The following CPB1 variants were observed in gnomAD, a reference collection of about 807,000 sequenced individuals.
CPB1 encodes the protein carboxypeptidase B.
A neutral mutation model predicts 51.4 loss-of-function variants in CPB1; 53 were observed. The ratio of observed to expected loss-of-function variants is 1.03; its 90% CI spans 0.83 to 1.30. The LOEUF is 1.30. Among genes scored for constraint, CPB1 ranks in the 50% most tolerant of loss-of-function variants. The pLI, the probability that CPB1 is intolerant of heterozygous loss-of-function variation, is 0.00. For synonymous variants in CPB1, 189 were observed against 186.9 expected (o/e 1.01, Z -0.09); for missense variants, 494 against 516.2 (o/e 0.96, Z 0.42).
intron 9 of CPB1, among the ~76,000 whole-genome samples, chr3:148,853,261 T>C (rs1713482535): frequency 6.6e-6 from 1 of 152,184 alleles, no homozygotes; most frequent in African/African-American, 2.4e-5. Context: ...ACTGGAAGAT[T>C]AGAAGAGGCA....
At chr3:148,834,459 T>C (rs757006957) in intron 2 of CPB1, 39 bp from the exon 3 acceptor site, 1 of 1,590,096 alleles carries the variant, frequency 6.3e-7, no homozygotes, top group African/African-American at 1.3e-5. Context: ...CTTCATCCAT[T>C]GAATTATAGG....
At chr3:148,859,163 C>T (rs898781541) in intron 10 of CPB1, among the ~76,000 whole-genome samples, 2 of 152,158 alleles carry the variant, frequency 1.3e-5, no homozygotes, top group Non-Finnish European at 2.9e-5. Context: ...CAACATCTCT[C>T]CTTTGTTCTG....
chr3:148,851,212 T>C (rs1713417666), intron 9 of CPB1: 1 of 151,938 alleles, frequency 6.6e-6, no homozygotes, highest in Admixed American at 6.6e-5. Context: ...CACACGCCTG[T>C]AGTCCCAGCT....
At chr3:148,858,210 A>G (rs1713642224) in intron 10 of CPB1, among the ~76,000 whole-genome samples, 1 of 152,188 alleles carries the variant, frequency 6.6e-6, no homozygotes, top group Admixed American at 6.5e-5. Context: ...ACAGTATCAG[A>G]ATTAACTTCC....
chr3:148,837,480 GAA>G (rs35691600), intron 3 of CPB1, among the ~76,000 whole-genome samples: 13 of 95,644 alleles, frequency 1.4e-4, no homozygotes, highest in East Asian at 5.8e-4. Context: ...TTGTGTGTTA[GAA>G]AAAAAAAAAA....
chr3:148,836,990 A>C (rs910461790), intron 3 of CPB1, among the ~76,000 whole-genome samples: 1 of 152,214 alleles, frequency 6.6e-6, no homozygotes, highest in Non-Finnish European at 1.5e-5. Context: ...AGCTTTAATC[A>C]GATCCTGAAT....
chr3:148,850,341 A>C (rs1478704912), intron 9 of CPB1, among the ~76,000 whole-genome samples: 1 of 151,914 alleles, frequency 6.6e-6, no homozygotes, highest in East Asian at 1.9e-4. Flanking sequence ...TCGCTCTATC[A>C]CCCAGGCTGG....
chr3:148,857,212 G>C (rs1713606532), intron 9 of CPB1: 1 of 330,874 alleles, frequency 3.0e-6, no homozygotes, highest in East Asian at 5.6e-5. Flanking sequence ...ACTCTTACAA[G>C]ACAAGATAAA....
Position 148,859,960 on chromosome 3 carries a change from A to T in CPB1, c.1212A>T (p.Ala404=). The part of the protein sequence containing the change: ...IRATCEETFL[A]IKYVASYVLE... Reference sequence around the variant, plus strand: ...CTACCTGCGAGGAGACCTTCCTGGCAATCAAGTATGTTGCCAGCTACGTCC... The same window carrying T: ...CTACCTGCGAGGAGACCTTCCTGGCTATCAAGTATGTTGCCAGCTACGTCC... Residue 404 remains alanine (A), a synonymous_variant, in exon 11 of 11, where the codon GCA becomes GCT. Coordinates refer to ENST00000282957, the MANE Select transcript of CPB1 (RefSeq NM_001871.3). 1.2e-6 allele frequency: 2 copies of T among 1,614,156 alleles called. No individual in the cohort carries two copies. Among genetic ancestry groups the T allele is most frequent in the Non-Finnish European group, 1.7e-6 (2 of 1,179,990 alleles).
At chr3:148,841,975 C>T (rs1204090041) in intron 6 of CPB1, 51 bp downstream of exon 6, 1 of 1,266,610 alleles carries the variant, frequency 7.9e-7, no homozygotes, top group South Asian at 1.2e-5. Flanking sequence ...TTTTAATTTT[C>T]AATTAATTCC....
intron 10 of CPB1, among the ~76,000 whole-genome samples, chr3:148,858,339 G>A (rs958082348): frequency 1.3e-5 from 2 of 152,072 alleles, no homozygotes; most frequent in Non-Finnish European, 2.9e-5. Flanking sequence ...TTGGGAGGCC[G>A]AGGCAGGCAG....
At chr3:148,833,635 T>C (rs1712803978) in intron 2 of CPB1, among the ~76,000 whole-genome samples, 1 of 151,898 alleles carries the variant, frequency 6.6e-6, no homozygotes, top group Non-Finnish European at 1.5e-5. Context: ...AGGCTTCCAC[T>C]CGGCACAAGC....
chr3:148,835,838 T>C lies in CPB1; in HGVS notation c.272+1216T>C, dbSNP rs1005824506. Among the ~76,000 whole-genome samples the C allele has an allele frequency of 2.0e-5, 3 of 152,210 alleles. No individual in the cohort carries two copies. The East Asian group carries it at 5.8e-4, about 29-fold the overall frequency. ...TAAAAATGTAAAAGAATAGTATCTG[T>C]GCCAGTGAAGATGTCAGAATTGTCA... On this transcript the variant is annotated intron_variant, in intron 3 of 10. Transcript: ENST00000282957.
chr3:148,834,864 A>C (rs1054732792), intron 3 of CPB1, among the ~76,000 whole-genome samples: 3 of 152,180 alleles, frequency 2.0e-5, no homozygotes, highest in Non-Finnish European at 2.9e-5. Context: ...GTCTTCTGCC[A>C]GATATCTGAC....
At chr3:148,854,386 A>G (rs1036409976) in intron 9 of CPB1, 12 of 152,108 alleles carry the variant, frequency 7.9e-5, no homozygotes, top group African/African-American at 2.9e-4. Context: ...TTAAAATATG[A>G]TATTTTACTT....
At position 148,827,905 on chromosome 3, in the gene CPB1, C is replaced by T; in HGVS notation, c.71+11C>T. ...TGAGCACTTTGAAGGGTAAGTAAGC[C>T]ATCTTTAAGGAGCAAGTCCTTCTTC... On this transcript the variant is annotated intron_variant, in intron 1 of 10. Coordinates refer to ENST00000282957, the MANE Select transcript of CPB1 (RefSeq NM_001871.3). 6.2e-7 allele frequency: 1 copy of T among 1,613,976 alleles called. No homozygotes were observed. Among genetic ancestry groups the T allele is most frequent in the South Asian group, 1.1e-5 (1 of 91,082 alleles).
intron 6 of CPB1, 133 bp downstream of exon 6, chr3:148,842,057 T>G (rs1713101645): frequency 1.5e-6 from 1 of 678,508 alleles, no homozygotes; most frequent in Non-Finnish European, 2.5e-6. Context: ...GAAATTAGTT[T>G]CAACTTCCAC....
intron 9 of CPB1, chr3:148,857,062 G>GTTTTTTTGTTTTTTTT (rs750155151): frequency 3.7e-4 from 18 of 48,116 alleles, no homozygotes; most frequent in East Asian, 1.6e-3. Context: ...ATTGCCAAGT[G>GTTTTTTTGTTTTTTTT]TTTTTTTTTT....
intron 9 of CPB1, among the ~76,000 whole-genome samples, chr3:148,850,195 TA>T (rs1427021309): frequency 3.9e-5 from 6 of 151,998 alleles, no homozygotes; most frequent in Non-Finnish European, 8.8e-5. Context: ...GAAAAATTAT[TA>T]AATGTGAACA....
Sources: gnomAD v4.1 joint callset for allele counts (sites outside exome capture counted in the v4.1 genomes callset) on GRCh38, gnomAD v4.1.1 for gene constraint, MANE v1.5 for transcripts, NCBI Gene and HGNC (gene_info 2026-07-23, HGNC 2026-07-21) for gene names.